DAB1: variants seen among roughly 807,000 people sequenced by gnomAD.
The protein encoded by DAB1 is disabled homolog 1.
A neutral mutation model predicts 64.6 loss-of-function variants in DAB1; 15 were observed. The observed-to-expected ratio is 0.23, with a 90% CI of 0.16 to 0.36. The LOEUF (loss-of-function observed/expected upper bound fraction) is 0.36, where lower values mean the gene tolerates loss of function less well. DAB1 is among the 10% of genes least tolerant of loss of function. The probability of loss-of-function intolerance (pLI) is 1.00; values close to 1 mark genes in which losing one functional copy is unlikely to be tolerated. For missense variants in DAB1, 596 were observed against 706.7 expected (o/e 0.84, Z 1.78); for synonymous variants, 235 against 251.9 (o/e 0.93, Z 0.64).
chr1:58,308,650 C>T (rs1412171483), intron 4 of DAB1, among the ~76,000 whole-genome samples: 1 of 152,174 alleles, frequency 6.6e-6, no homozygotes, highest in Non-Finnish European at 1.5e-5. Context: ...GATAACCAGG[C>T]TTTAGTTTGC....
intron 4 of DAB1, among the ~76,000 whole-genome samples, chr1:58,304,209 G>A (rs1662246616): frequency 6.6e-6 from 1 of 152,112 alleles, no homozygotes; most frequent in Non-Finnish European, 1.5e-5. Flanking sequence ...CATGCCAAAT[G>A]TAGCTTTGAA....
intron 5 of DAB1, among the ~76,000 whole-genome samples, chr1:57,889,630 C>T (rs1644276437): frequency 6.6e-6 from 1 of 152,308 alleles, no homozygotes; most frequent in South Asian, 2.1e-4. Context: ...CCGTATGATC[C>T]CAGAACAGCT....
At chr1:57,293,786 T>A (rs1000921251) in intron 1 of DAB1, among the ~76,000 whole-genome samples, 1 of 152,130 alleles carries the variant, frequency 6.6e-6, no homozygotes, top group Admixed American at 6.6e-5. Flanking sequence ...ATCAATTGTA[T>A]AAAACTGGAT....
intron 6 of DAB1, among the ~76,000 whole-genome samples, chr1:57,735,620 T>TG (rs984597326): frequency 3.7e-5 from 5 of 134,198 alleles, no homozygotes; most frequent in African/African-American, 1.3e-4. Context: ...TTTTTTTTTT[T>TG]TTTTTTTTTT....
chr1:58,457,771 T>TC (rs1048031519), intron 3 of DAB1, among the ~76,000 whole-genome samples: 1 of 152,062 alleles, frequency 6.6e-6, no homozygotes, highest in Admixed American at 6.6e-5. Context: ...TTTCCCTCTG[T>TC]CCCCCCAGTC....
chr1:58,517,628 A>G (rs1380567847), intron 2 of DAB1, among the ~76,000 whole-genome samples: 1 of 150,566 alleles, frequency 6.6e-6, no homozygotes, highest in Non-Finnish European at 1.5e-5. Context: ...TGTTAAAATT[A>G]TTTATTAAAT....
At chr1:57,422,763 T>C (rs989230650) in intron 1 of DAB1, among the ~76,000 whole-genome samples, 8 of 152,184 alleles carry the variant, frequency 5.3e-5, no homozygotes, top group Admixed American at 2.6e-4. Flanking sequence ...GTACACAGTC[T>C]GGCGGGTCTG....
At chr1:57,027,945 T>A (rs1207278318) in intron 9 of DAB1, among the ~76,000 whole-genome samples, 1 of 152,164 alleles carries the variant, frequency 6.6e-6, no homozygotes, top group Non-Finnish European at 1.5e-5. Context: ...AAATGAGAAA[T>A]GCCAACTCTC....
chr1:58,105,794 T>C (rs1651597670), intron 5 of DAB1, among the ~76,000 whole-genome samples: 1 of 152,138 alleles, frequency 6.6e-6, no homozygotes, highest in South Asian at 2.1e-4. Context: ...AAGAGAAACA[T>C]GTATAAGCAA....
intron 7 of DAB1, among the ~76,000 whole-genome samples, chr1:57,634,756 T>C (rs897102385): frequency 1.3e-5 from 2 of 152,218 alleles, no homozygotes; most frequent in African/African-American, 2.4e-5. Flanking sequence ...CAGGAGATTA[T>C]ACTTCTCCCA....
At chr1:58,251,515 T>G (rs1660796403) in intron 4 of DAB1, among the ~76,000 whole-genome samples, 1 of 152,084 alleles carries the variant, frequency 6.6e-6, no homozygotes, top group Admixed American at 6.6e-5. Context: ...TGACCACTAA[T>G]CTGAGATCTG....
At chr1:57,377,512 A>T (rs1228040062) in intron 1 of DAB1, among the ~76,000 whole-genome samples, 5 of 152,166 alleles carry the variant, frequency 3.3e-5, no homozygotes, top group African/African-American at 1.2e-4. Flanking sequence ...AACATTGAGA[A>T]TCATAGGCAT....
intron 1 of DAB1, among the ~76,000 whole-genome samples, chr1:58,539,608 T>C (rs1329696833): frequency 2.0e-5 from 3 of 152,240 alleles, no homozygotes; most frequent in Non-Finnish European, 4.4e-5. Flanking sequence ...ATTTGAGCAA[T>C]AAAGTGGATT....
chr1:57,590,943 G>A (rs115967756), intron 7 of DAB1, among the ~76,000 whole-genome samples: 3 of 152,124 alleles, frequency 2.0e-5, no homozygotes, highest in African/African-American at 7.2e-5. Flanking sequence ...ATGCAAAATT[G>A]GTTAATTCAG....
chr1:57,996,088 G>A (rs1416024756), intron 5 of DAB1, among the ~76,000 whole-genome samples: 10 of 152,060 alleles, frequency 6.6e-5, no homozygotes, highest in African/African-American at 2.2e-4. Flanking sequence ...GTGAAACCCC[G>A]TCTCTACTAA....
chr1:57,651,962 A>T (rs558887510), intron 6 of DAB1, among the ~76,000 whole-genome samples: 1 of 152,286 alleles, frequency 6.6e-6, no homozygotes. Context: ...TCTGGGCTTA[A>T]ACCAAGGTAA....
At chr1:57,136,697 C>G (rs1330792054) in intron 3 of DAB1, 56 bp from the exon 4 acceptor site, 3 of 1,266,384 alleles carry the variant, frequency 2.4e-6, no homozygotes, top group Non-Finnish European at 2.2e-6. Flanking sequence ...AAAATTCTCT[C>G]TGGTCCCAAA....
At chr1:57,281,538 G>A (rs1316551805) in intron 2 of DAB1, among the ~76,000 whole-genome samples, 2 of 152,100 alleles carry the variant, frequency 1.3e-5, no homozygotes, top group Admixed American at 1.3e-4. Flanking sequence ...TGAGGAATGC[G>A]CCTGGACAGA....
chr1:58,254,395 A>T (rs1385057537), intron 4 of DAB1, among the ~76,000 whole-genome samples: 3 of 146,644 alleles, frequency 2.0e-5, no homozygotes, highest in African/African-American at 5.1e-5. Flanking sequence ...TTTTTTTTCT[A>T]TTTTTTTTTT....
Sources: allele counts gnomAD v4.1 joint callset (sites outside exome capture counted in the v4.1 genomes callset), GRCh38; gene constraint gnomAD v4.1.1; transcripts MANE v1.5; gene names NCBI Gene and HGNC (gene_info 2026-07-23, HGNC 2026-07-21).